Variants in CTNNBL1 observed in about 807,000 individuals in gnomAD.
CTNNBL1 encodes the protein catenin beta like 1.
A neutral mutation model predicts 72.7 loss-of-function variants in CTNNBL1; 31 were observed. The ratio of observed to expected loss-of-function variants is 0.43; its 90% CI spans 0.32 to 0.58. The LOEUF (loss-of-function observed/expected upper bound fraction) is 0.58. CTNNBL1 is among the 20% of genes least tolerant of loss of function. The pLI, the probability that CTNNBL1 is intolerant of heterozygous loss-of-function variation, is 0.08. For missense variants in CTNNBL1, 534 were observed against 725.1 expected, an observed-to-expected ratio of 0.74 and a Z score of 3.03; for synonymous variants, 240 against 267.3, an observed-to-expected ratio of 0.90 and a Z score of 1.00.
intron 1 of CTNNBL1, among the ~76,000 whole-genome samples, chr20:37,704,778 T>C (rs1441221867): frequency 3.3e-5 from 5 of 151,824 alleles, no homozygotes; most frequent in African/African-American, 1.2e-4. Flanking sequence ...TCATTGTGGA[T>C]CTCATATTGG....
rs1394906826 is a variant in CTNNBL1 at position 37,694,040 on chromosome 20, G to A, written c.-83G>A. 51 of 1,482,644 alleles carry A rather than the reference G, an allele frequency of 3.4e-5. No homozygotes were observed. Among genetic ancestry groups the A allele is most frequent in the Non-Finnish European group, 4.5e-5 (49 of 1,078,286 alleles). 91.8% of individuals were successfully genotyped at this position (1,482,644 alleles called of 1,614,324 possible). A position where few individuals can be genotyped will look rare whatever the true frequency, so the allele number is the denominator to read the frequency against. ...GCGGCTCCGCTCGCCGCACTTTACG[G>A]CAGTGTGGCTGGAGCCGCGGCTGAC... On this transcript the variant is annotated 5_prime_UTR_variant, in exon 1 of 16. Coordinates refer to ENST00000361383, the MANE Select transcript of CTNNBL1 (RefSeq NM_030877.5).
chr20:37,722,112 T>C (rs2073045246), intron 1 of CTNNBL1, among the ~76,000 whole-genome samples: 1 of 152,208 alleles, frequency 6.6e-6, no homozygotes, highest in Non-Finnish European at 1.5e-5. Flanking sequence ...TTTTATATGC[T>C]TATGGGCTAC....
intron 10 of CTNNBL1, among the ~76,000 whole-genome samples, chr20:37,792,524 A>G (rs2073734103): frequency 6.6e-6 from 1 of 152,192 alleles, no homozygotes; most frequent in Non-Finnish European, 1.5e-5. Flanking sequence ...TTAATTTGCT[A>G]TTCTTTTTCC....
intron 6 of CTNNBL1, among the ~76,000 whole-genome samples, chr20:37,766,401 A>T (rs577312813): frequency 6.6e-6 from 1 of 152,318 alleles, no homozygotes; most frequent in South Asian, 2.1e-4. Context: ...GATGTTTGTC[A>T]GGCACTGTGC....
intron 7 of CTNNBL1, among the ~76,000 whole-genome samples, chr20:37,770,892 G>C (rs941654174): frequency 6.6e-5 from 10 of 152,204 alleles, no homozygotes; most frequent in African/African-American, 2.4e-4. Context: ...CCTGCTTAAG[G>C]GTGAGGCCAG....
Position 37,712,590 on chromosome 20 carries a change from G to A in CTNNBL1, c.30+18438G>A, listed in dbSNP as rs578091904. 3.3e-5 allele frequency among the ~76,000 whole-genome samples: 5 copies of A among 152,320 alleles called. No homozygotes were observed. The South Asian group carries it at 6.2e-4, about 19-fold the overall frequency. On this transcript the variant is annotated intron_variant, in intron 1 of 15. Transcript: ENST00000361383. ...TGTGTAAGTGACTGCATTGAGCAGC[G>A]ATTGTGAATGGCTACTTTTTGTGTT... is the stretch of plus-strand genomic sequence containing the variant.
At chr20:37,819,438 T>A (rs2072086557) in intron 11 of CTNNBL1, among the ~76,000 whole-genome samples, 1 of 152,206 alleles carries the variant, frequency 6.6e-6, no homozygotes, top group African/African-American at 2.4e-5. Flanking sequence ...CCTGCCTCAT[T>A]ATGAATAGGG....
rs570156090 is a variant in CTNNBL1 at position 37,788,795 on chromosome 20, T to C, written c.1031+9460T>C. ...CTAAGAAGTCCTTCATGCAGATTTG[T>C]AGTCTCTGAGCTTTCATTTCCAGGA... On this transcript the variant is annotated intron_variant, in intron 10 of 15. Transcript: ENST00000361383. 7.9e-5 allele frequency among the ~76,000 whole-genome samples: 12 copies of C among 152,378 alleles called. No homozygotes were observed. The South Asian group carries it at 2.1e-3, about 26-fold the overall frequency.
At chr20:37,767,044 C>A (rs1272715286) in intron 6 of CTNNBL1, among the ~76,000 whole-genome samples, 1 of 152,098 alleles carries the variant, frequency 6.6e-6, no homozygotes. Flanking sequence ...ACTGGGGAGG[C>A]TGATGTGGGC....
intron 4 of CTNNBL1, among the ~76,000 whole-genome samples, chr20:37,757,263 C>T (rs2073373117): frequency 6.6e-6 from 1 of 152,178 alleles, no homozygotes; most frequent in Non-Finnish European, 1.5e-5. Flanking sequence ...GCCTATTTCT[C>T]ACTGGAAGTG....
Position 37,737,427 on chromosome 20 carries a change from A to G in CTNNBL1, c.269A>G (p.Glu90Gly), listed in dbSNP as rs756531288. Reference protein sequence around the residue: ...SSVKKMILTFEKRSYKNQELR... With the variant: ...SSVKKMILTFGKRSYKNQELR... ...GTGAAGAAAATGATCCTCACATTTG[A>G]AAAGAGATCATATAAAAACCAAGAA... The change falls in exon 3 of 16, where the codon GAA becomes GGA. Residue 90 changes from glutamate (E) to glycine (G), a missense_variant. Glu to Gly is a moderately conservative substitution (Grantham distance 98). Transcript: ENST00000361383. The G allele has an allele frequency of 6.2e-7, 1 of 1,613,812 alleles. No individual in the cohort carries two copies. The highest frequency in any genetic ancestry group is 8.5e-7 in the Non-Finnish European group (1 of 1,179,814).
At chr20:37,833,616 C>T (rs1295607361) in intron 11 of CTNNBL1, among the ~76,000 whole-genome samples, 3 of 152,116 alleles carry the variant, frequency 2.0e-5, no homozygotes, top group Non-Finnish European at 2.9e-5. Context: ...TCTGCACTTC[C>T]TGGGCCCTCC....
chr20:37,769,187 C>T (rs1420740162), intron 7 of CTNNBL1, among the ~76,000 whole-genome samples: 2 of 152,200 alleles, frequency 1.3e-5, no homozygotes, highest in African/African-American at 4.8e-5. Context: ...CTATCCCCCA[C>T]AGATAAGGGA....
At chr20:37,743,446 T>A (rs1485045632) in intron 3 of CTNNBL1, among the ~76,000 whole-genome samples, 1 of 151,820 alleles carries the variant, frequency 6.6e-6, no homozygotes, top group Non-Finnish European at 1.5e-5. Flanking sequence ...GGAAGCCTTT[T>A]AAAAAAAAGG....
chr20:37,836,079 A>G (rs926064462), intron 11 of CTNNBL1, among the ~76,000 whole-genome samples: 1 of 152,188 alleles, frequency 6.6e-6, no homozygotes, highest in Non-Finnish European at 1.5e-5. Context: ...TTTATTTTAA[A>G]CTCCATTGGT....
intron 1 of CTNNBL1, among the ~76,000 whole-genome samples, chr20:37,700,210 C>T (rs1375748069): frequency 2.6e-5 from 4 of 151,980 alleles, no homozygotes; most frequent in African/African-American, 4.8e-5. Flanking sequence ...TTTTTTCAAT[C>T]GCTTGTAAAA....
chr20:37,766,016 G>A (rs1369726476), intron 6 of CTNNBL1, among the ~76,000 whole-genome samples: 1 of 152,116 alleles, frequency 6.6e-6, no homozygotes, highest in Non-Finnish European at 1.5e-5. Context: ...AATGAACAAG[G>A]CCCAGTGGAA....
intron 11 of CTNNBL1, among the ~76,000 whole-genome samples, chr20:37,814,975 TGAAAG>T (rs1289945737): frequency 6.6e-6 from 1 of 151,884 alleles, no homozygotes; most frequent in African/African-American, 2.4e-5. Flanking sequence ...TGAAAAAAGA[TGAAAG>T]GAAAGTAAAA....
At chr20:37,799,874 C>T (rs2073809411) in intron 10 of CTNNBL1, among the ~76,000 whole-genome samples, 1 of 152,094 alleles carries the variant, frequency 6.6e-6, no homozygotes, top group Non-Finnish European at 1.5e-5. Flanking sequence ...CTCTCTTTGC[C>T]CAGGATTGAG....
Sources: allele counts gnomAD v4.1 joint callset (sites outside exome capture counted in the v4.1 genomes callset), GRCh38; gene constraint gnomAD v4.1.1; transcripts MANE v1.5; gene names NCBI Gene and HGNC (gene_info 2026-07-23, HGNC 2026-07-21).